CLSTN2: variants seen among roughly 807,000 people sequenced by gnomAD.
The protein encoded by CLSTN2 is calsyntenin 2.
In CLSTN2, 48 loss-of-function variants were observed where a neutral mutation model predicts 101.2. That is an observed-to-expected ratio of 0.47 (90% CI 0.38 to 0.60). The LOEUF (loss-of-function observed/expected upper bound fraction) is 0.60. Among genes scored for constraint, CLSTN2 ranks in the 20% least tolerant of loss-of-function variants. The pLI is 0.00. For missense variants in CLSTN2, 1,160 were observed against 1,238.2 expected (o/e 0.94, Z 0.95); for synonymous variants, 481 against 463.6 (o/e 1.04, Z -0.48).
At chr3:140,136,522 A>T (rs1029137889) in intron 1 of CLSTN2, among the ~76,000 whole-genome samples, 2 of 152,212 alleles carry the variant, frequency 1.3e-5, no homozygotes, top group African/African-American at 4.8e-5. Context: ...GGTCTGTGGT[A>T]ATGTTCCCTG....
At position 140,457,513 on chromosome 3, in the gene CLSTN2, T is replaced by C. The variant is rs147728079; in HGVS notation, c.974-2008T>C. Among the ~76,000 whole-genome samples the C allele has an allele frequency of 2.1e-3, 322 of 152,362 alleles. 2 individuals carry two copies. The highest frequency in any genetic ancestry group is 7.3e-3 in the African/African-American group (302 of 41,580). On this transcript the variant is annotated intron_variant, in intron 6 of 16. Coordinates refer to ENST00000458420, the MANE Select transcript of CLSTN2 (RefSeq NM_022131.3). ...CTGCTACCACCTTGATAGATGTCTTTCTTAGAAATATCTGTGGAGGGTGGT... is the reference window on the plus strand; with the variant it reads ...CTGCTACCACCTTGATAGATGTCTTCCTTAGAAATATCTGTGGAGGGTGGT...
intron 1 of CLSTN2, among the ~76,000 whole-genome samples, chr3:139,988,947 C>A (rs953616899): frequency 6.6e-6 from 1 of 152,174 alleles, no homozygotes; most frequent in African/African-American, 2.4e-5. Flanking sequence ...AGAAATGTGT[C>A]ATCTCATGTG....
At chr3:140,041,798 GAAGGA>G (rs2007766083) in intron 1 of CLSTN2, among the ~76,000 whole-genome samples, 1 of 152,168 alleles carries the variant, frequency 6.6e-6, no homozygotes, top group Admixed American at 6.5e-5. Context: ...CTGCACAGAG[GAAGGA>G]AATTGTCTGT....
At chr3:140,060,457 G>T (rs559018032) in intron 1 of CLSTN2, among the ~76,000 whole-genome samples, 1 of 152,288 alleles carries the variant, frequency 6.6e-6, no homozygotes, top group East Asian at 1.9e-4. Flanking sequence ...CAAGGGTAAG[G>T]GTGGGCTTGA....
chr3:140,046,550 G>A (rs1268034552), intron 1 of CLSTN2, among the ~76,000 whole-genome samples: 1 of 152,152 alleles, frequency 6.6e-6, no homozygotes, highest in Non-Finnish European at 1.5e-5. Context: ...ATTTGATCCT[G>A]TCATTATGTT....
intron 4 of CLSTN2, among the ~76,000 whole-genome samples, chr3:140,419,344 G>C (rs1038930652): frequency 6.7e-6 from 1 of 148,880 alleles, no homozygotes; most frequent in Non-Finnish European, 1.5e-5. Flanking sequence ...TTAGCCAGGC[G>C]TGGTGGCATA....
chr3:140,097,553 A>G (rs1333372774), intron 1 of CLSTN2, among the ~76,000 whole-genome samples: 3 of 152,238 alleles, frequency 2.0e-5, no homozygotes, highest in Non-Finnish European at 1.5e-5. Flanking sequence ...AAAATCACAC[A>G]AATCATTCAA....
intron 2 of CLSTN2, among the ~76,000 whole-genome samples, chr3:140,284,982 G>A (rs1305571093): frequency 6.6e-6 from 1 of 152,042 alleles, no homozygotes; most frequent in Non-Finnish European, 1.5e-5. Flanking sequence ...CAGGTTTATT[G>A]CAAGAGATAG....
At chr3:140,068,496 A>G (rs540008240) in intron 1 of CLSTN2, among the ~76,000 whole-genome samples, 8 of 152,322 alleles carry the variant, frequency 5.3e-5, no homozygotes, top group Middle Eastern at 3.4e-3. Flanking sequence ...ATCCCTGGGT[A>G]CTTGGATTTG....
At chr3:140,200,165 G>C (rs2010700122) in intron 2 of CLSTN2, among the ~76,000 whole-genome samples, 2 of 152,254 alleles carry the variant, frequency 1.3e-5, no homozygotes, top group African/African-American at 2.4e-5. Context: ...TCCCAAGTTT[G>C]ATCTTGATCA....
At chr3:140,168,526 A>G (rs185112218) in intron 1 of CLSTN2, among the ~76,000 whole-genome samples, 1 of 152,114 alleles carries the variant, frequency 6.6e-6, no homozygotes, top group African/African-American at 2.4e-5. Flanking sequence ...GATGTTATCA[A>G]TTTTATCTTT....
At chr3:140,328,451 T>C (rs1321737326) in intron 2 of CLSTN2, among the ~76,000 whole-genome samples, 1 of 152,200 alleles carries the variant, frequency 6.6e-6, no homozygotes, top group Non-Finnish European at 1.5e-5. Flanking sequence ...AGGGATCGTA[T>C]GTGTTAGCTA....
chr3:140,527,803 A>AAATT (rs556133675), intron 8 of CLSTN2, among the ~76,000 whole-genome samples: 263 of 152,328 alleles, frequency 1.7e-3, no homozygotes, highest in African/African-American at 6.1e-3. Context: ...TATTCTAAGC[A>AAATT]AATTAACACA....
At chr3:140,122,236 A>C (rs1170116341) in intron 1 of CLSTN2, among the ~76,000 whole-genome samples, 2 of 152,194 alleles carry the variant, frequency 1.3e-5, no homozygotes, top group African/African-American at 2.4e-5. Context: ...GAAGACACCT[A>C]TCCCCACTAC....
At chr3:140,281,092 T>A (rs574539591) in intron 2 of CLSTN2, among the ~76,000 whole-genome samples, 3 of 152,330 alleles carry the variant, frequency 2.0e-5, no homozygotes, top group South Asian at 4.2e-4. Flanking sequence ...TGTACAGGTC[T>A]AAATGGGAGT....
intron 2 of CLSTN2, among the ~76,000 whole-genome samples, chr3:140,251,275 G>A (rs1190752525): frequency 3.3e-5 from 5 of 152,114 alleles, no homozygotes; most frequent in Non-Finnish European, 7.4e-5. Context: ...CAATCACTGA[G>A]TTTTCCATTT....
intron 1 of CLSTN2, among the ~76,000 whole-genome samples, chr3:140,078,491 C>G (rs944590577): frequency 6.6e-6 from 1 of 152,176 alleles, no homozygotes; most frequent in Admixed American, 6.5e-5. Flanking sequence ...CCGACAGCAG[C>G]CTGTCTGGGG....
intron 1 of CLSTN2, among the ~76,000 whole-genome samples, chr3:139,997,245 C>A (rs760772864): frequency 2.0e-5 from 3 of 152,020 alleles, no homozygotes; most frequent in African/African-American, 7.2e-5. Context: ...TTCTTTGAGA[C>A]GTCTTTTGAT....
chr3:140,292,146 C>T (rs977103631), intron 2 of CLSTN2, among the ~76,000 whole-genome samples: 4 of 152,188 alleles, frequency 2.6e-5, no homozygotes, highest in African/African-American at 9.6e-5. Flanking sequence ...CTAAGGCTTG[C>T]CTCCCAAGCA....
Sources: gnomAD v4.1 joint callset for allele counts (sites outside exome capture counted in the v4.1 genomes callset) on GRCh38, gnomAD v4.1.1 for gene constraint, MANE v1.5 for transcripts, NCBI Gene and HGNC (gene_info 2026-07-23, HGNC 2026-07-21) for gene names.